Variants in ITPK1 observed in about 807,000 individuals in gnomAD.
ITPK1 encodes inositol 1,3,4-trisphosphate 5/6-kinase.
ITPK1 carries 21 observed loss-of-function variants against 45.3 expected under a neutral mutation model. The ratio of observed to expected loss-of-function variants is 0.46; its 90% CI spans 0.33 to 0.67. ITPK1 has a LOEUF of 0.67. Among genes scored for constraint, ITPK1 ranks in the 30% least tolerant of loss-of-function variants. The pLI, the probability that ITPK1 is intolerant of heterozygous loss-of-function variation, is 0.02. For synonymous variants in ITPK1, 258 were observed against 253.6 expected (o/e 1.02, Z -0.16); for missense variants, 474 against 573.5 (o/e 0.83, Z 1.77).
At chr14:93,094,312 G>A (rs941541) in intron 2 of ITPK1, among the ~76,000 whole-genome samples, 6,348 of 152,200 alleles carry the variant, frequency 0.042, 197 homozygotes, top group Non-Finnish European at 0.06. Context: ...AATCACCGTC[G>A]GTATGGGCTT....
rs2076089815 is a variant in ITPK1, at chr14:93,063,214, T to C, written c.120+13381A>G. On this transcript the variant is annotated intron_variant, in intron 3 of 10. Coordinates refer to ENST00000267615, the MANE Select transcript of ITPK1 (RefSeq NM_014216.6). This position sits in a 1 kb window ranked among gnomAD's most constrained non-coding sequence, Gnocchi z 4.3. ...TAACTTATTTCTACTTGGCAGGGCC[T>C]GCGGCAAAAATACTGCCTGGGCAAG... 6.6e-6 allele frequency among the ~76,000 whole-genome samples: 1 copy of C among 152,184 alleles called. No individual in the cohort carries two copies. Among genetic ancestry groups the C allele is most frequent in the South Asian group, 2.1e-4 (1 of 4,832 alleles).
intron 3 of ITPK1, among the ~76,000 whole-genome samples, chr14:93,038,156 T>C (rs1889397445): frequency 6.6e-6 from 1 of 151,894 alleles, no homozygotes; most frequent in African/African-American, 2.4e-5. Context: ...AGGTTCAGCC[T>C]CCCAAGTAGC....
In ITPK1 at chr14:93,036,688, G is replaced by A. The variant is rs1404993611; in HGVS notation, c.121-19887C>T. Among the ~76,000 whole-genome samples the A allele has an allele frequency of 2.0e-5, 3 of 152,066 alleles. No homozygotes were observed. Among genetic ancestry groups the A allele is most frequent in the Non-Finnish European group, 2.9e-5 (2 of 68,008 alleles). The stretch of plus-strand genomic sequence containing the variant: ...ACACTGCCCCTATTCTCTGGGCTCT[G>A]GGATCGTTACCAACAACCCGCACCG... On this transcript the variant is annotated intron_variant, in intron 3 of 10. Coordinates refer to ENST00000267615, the MANE Select transcript of ITPK1 (RefSeq NM_014216.6). This position sits in a 1 kb window ranked among gnomAD's most constrained non-coding sequence, Gnocchi z 4.1.
chr14:93,099,448 G>C (rs182214017), intron 2 of ITPK1, among the ~76,000 whole-genome samples: 1 of 152,146 alleles, frequency 6.6e-6, no homozygotes, highest in Non-Finnish European at 1.5e-5. Context: ...CAGCGACAGC[G>C]ACAGTGGGGC....
intron 3 of ITPK1, among the ~76,000 whole-genome samples, chr14:93,044,347 CT>C (rs56775631): frequency 0.35 from 52,859 of 151,984 alleles, 10,237 homozygotes; most frequent in Admixed American, 0.45. Context: ...GTCCAACCCC[CT>C]CCGCAGAGAT....
chr14:93,013,979 A>T (rs564748175), intron 4 of ITPK1, among the ~76,000 whole-genome samples: 1 of 152,004 alleles, frequency 6.6e-6, no homozygotes, highest in Non-Finnish European at 1.5e-5. Flanking sequence ...CTCTGTGCCA[A>T]CCCTGCCTGC....
At chr14:92,991,451 T>A (rs1052198548) in intron 5 of ITPK1, among the ~76,000 whole-genome samples, 1 of 151,974 alleles carries the variant, frequency 6.6e-6, no homozygotes, top group African/African-American at 2.4e-5. Flanking sequence ...GAACCAAGCA[T>A]GCGTTAGGGT....
intron 3 of ITPK1, among the ~76,000 whole-genome samples, chr14:93,074,219 C>G (rs1327883294): frequency 1.3e-5 from 2 of 152,210 alleles, no homozygotes; most frequent in East Asian, 3.8e-4. Flanking sequence ...TCCAGTTTGG[C>G]TTCGTTCTGG....
chr14:93,114,159 T>C (rs1180901636), intron 2 of ITPK1, among the ~76,000 whole-genome samples: 1 of 152,278 alleles, frequency 6.6e-6, no homozygotes, highest in Non-Finnish European at 1.5e-5. Context: ...CTAGATTCTC[T>C]TAGGCTTGCA....
At chr14:93,052,183 T>A (rs1196269929) in intron 3 of ITPK1, among the ~76,000 whole-genome samples, 1 of 152,220 alleles carries the variant, frequency 6.6e-6, no homozygotes, top group Non-Finnish European at 1.5e-5. Context: ...CAACTTCAAT[T>A]TCCATATCCA....
rs1891277682 is a variant in ITPK1, at chr14:93,077,599, C to T, written c.96-980G>A. On this transcript the variant is annotated intron_variant, in intron 2 of 10. Transcript: ENST00000267615. Reference sequence around the variant, plus strand: ...TCCCAAAGTGCTGGGATTACAGGCGCGAGCCACCACGTCCAGCCTCCCCCA... The same window carrying T: ...TCCCAAAGTGCTGGGATTACAGGCGTGAGCCACCACGTCCAGCCTCCCCCA... Among the ~76,000 whole-genome samples the T allele has an allele frequency of 3.3e-5, 5 of 152,196 alleles. No individual in the cohort carries two copies. The South Asian group carries it at 1.0e-3, about 32-fold the overall frequency.
At chr14:92,941,961 G>GGGA (rs371485914) in intron 10 of ITPK1, 57 bp from the exon 11 acceptor site, 127 of 1,476,618 alleles carry the variant, frequency 8.6e-5, no homozygotes, top group Non-Finnish European at 1.0e-4. Context: ...GCATCATGCA[G>GGGA]GGAGGAGGAG....
At chr14:92,951,461 C>T (rs1887951181) in intron 9 of ITPK1, among the ~76,000 whole-genome samples, 2 of 152,192 alleles carry the variant, frequency 1.3e-5, no homozygotes, top group South Asian at 4.1e-4. Flanking sequence ...ACACTGGCCA[C>T]AGCAACACTC....
chr14:93,064,260 G>A (rs1890656437), intron 3 of ITPK1, among the ~76,000 whole-genome samples: 1 of 152,200 alleles, frequency 6.6e-6, no homozygotes, highest in Admixed American at 6.5e-5. Flanking sequence ...TCCAGCCTGG[G>A]CGACAGAGCG....
At chr14:93,110,493 G>A (rs1244710791) in intron 2 of ITPK1, among the ~76,000 whole-genome samples, 1 of 152,156 alleles carries the variant, frequency 6.6e-6, no homozygotes, top group East Asian at 1.9e-4. Flanking sequence ...CTTGGAGATG[G>A]CCCTATTTTA....
chr14:92,984,997 C>T (rs774400727), intron 5 of ITPK1, among the ~76,000 whole-genome samples: 2 of 152,212 alleles, frequency 1.3e-5, no homozygotes, highest in Non-Finnish European at 2.9e-5. Flanking sequence ...AACCAAATAA[C>T]TGCTGCTGAG....
Position 92,958,849 on chromosome 14 carries a change from C to T in ITPK1, c.505-483G>A, listed in dbSNP as rs1301501506. 1.3e-5 allele frequency among the ~76,000 whole-genome samples: 2 copies of T among 152,156 alleles called. No homozygotes were observed. The highest frequency in any genetic ancestry group is 2.4e-5 in the African/African-American group (1 of 41,422). On this transcript the variant is annotated intron_variant, in intron 7 of 10. Transcript: ENST00000267615. The surrounding 1 kb of genome is among the most constrained non-coding windows in gnomAD (Gnocchi z 4.4). Reference sequence around the variant, plus strand: ...CTCTTGTCAAGCAGTTGTGACAAGCCGGGCCCTGTTCTGAGCACGTACACC... The same window carrying T: ...CTCTTGTCAAGCAGTTGTGACAAGCTGGGCCCTGTTCTGAGCACGTACACC...
At position 92,940,943 on chromosome 14, in the gene ITPK1, G is replaced by T; in HGVS notation, c.*618C>A. The T allele has an allele frequency of 7.8e-7, 1 of 1,287,408 alleles. No individual in the cohort carries two copies. Among genetic ancestry groups the T allele is most frequent in the Non-Finnish European group, 1.0e-6 (1 of 988,656 alleles). 79.7% of individuals were successfully genotyped at this position (1,287,408 alleles called of 1,614,324 possible). A position where few individuals can be genotyped will look rare whatever the true frequency, so the allele number is the denominator to read the frequency against. ...TCCTTTCCTTCCCTTTAGTGAGGGA[G>T]CACAGCCCAGACCCCAGCGCGGAAC... On this transcript the variant is annotated 3_prime_UTR_variant, in exon 11 of 11. Transcript: ENST00000267615.
intron 2 of ITPK1, among the ~76,000 whole-genome samples, chr14:93,090,470 CCA>C (rs1287008307): frequency 1.3e-5 from 2 of 152,304 alleles, no homozygotes; most frequent in Admixed American, 1.3e-4. Context: ...GAAGGACAAT[CCA>C]CAGAGTCCAC....
Sources: allele counts gnomAD v4.1 joint callset (sites outside exome capture counted in the v4.1 genomes callset), GRCh38; gene constraint gnomAD v4.1.1; non-coding constraint Gnocchi (gnomAD v3.1); transcripts MANE v1.5; gene names NCBI Gene and HGNC (gene_info 2026-07-23, HGNC 2026-07-21).